The following PTGFR variants were observed in gnomAD, a reference collection of about 807,000 sequenced individuals.
PTGFR encodes prostaglandin F2-alpha receptor.
PTGFR carries 15 observed loss-of-function variants against 26.2 expected under a neutral mutation model. That is an observed-to-expected ratio of 0.57 (90% CI 0.38 to 0.88). The LOEUF (loss-of-function observed/expected upper bound fraction) is 0.88, where lower values mean the gene tolerates loss of function less well. Ranked by LOEUF, PTGFR falls within the 40% of genes least tolerant of loss-of-function variation. The probability of loss-of-function intolerance (pLI) is 0.00; values close to 1 mark genes in which losing one functional copy is unlikely to be tolerated. For missense variants in PTGFR, 369 were observed against 427.2 expected (o/e 0.86, Z 1.20); for synonymous variants, 165 against 151.1 (o/e 1.09, Z -0.68).
chr1:78,513,949 C>T (rs1238060659), intron 2 of PTGFR, among the ~76,000 whole-genome samples: 1 of 152,218 alleles, frequency 6.6e-6, no homozygotes, highest in East Asian at 1.9e-4. Flanking sequence ...ACACAGAATG[C>T]AAAAGTGAAG....
chr1:78,525,128 C>T (rs1650341600), intron 2 of PTGFR, among the ~76,000 whole-genome samples: 1 of 151,862 alleles, frequency 6.6e-6, no homozygotes, highest in African/African-American at 2.4e-5. Flanking sequence ...TACTTAACCT[C>T]TGTCATACTG....
At position 78,521,971 on chromosome 1, in the gene PTGFR, TGCA is replaced by T. The variant is rs147388439; in HGVS notation, c.799-14434_799-14432del. 1.5e-3 allele frequency among the ~76,000 whole-genome samples: 225 copies of T among 152,204 alleles called. 1 individual carries two copies. The East Asian group carries it at 0.035, about 24-fold the overall frequency. Reference sequence around the variant, plus strand: ...CAGTTCTGTAGGTCAGAAATCTGGGTGCATTCAACTGAGTTCTCTGCTCAGGGT... The same window carrying T: ...CAGTTCTGTAGGTCAGAAATCTGGGTTTCAACTGAGTTCTCTGCTCAGGGT... On this transcript the variant is annotated intron_variant, in intron 2 of 2. Transcript: ENST00000370757.
chr1:78,499,136 A>G (rs2146489), intron 2 of PTGFR, among the ~76,000 whole-genome samples: 115,595 of 152,068 alleles, frequency 0.76, 44,475 homozygotes, highest in African/African-American at 0.89. Flanking sequence ...CAGGGAGCAC[A>G]TTCCTGTCCC....
rs376311391 is a variant in PTGFR at position 78,515,516 on chromosome 1, G to A, written c.799-20890G>A. On this transcript the variant is annotated intron_variant, in intron 2 of 2. Coordinates refer to ENST00000370757, the MANE Select transcript of PTGFR (RefSeq NM_000959.4). ...AGTGTAGTCAAATGTATATGTGGCT[G>A]GTGGCTAAAAATCATCTCTCTAAAA... 9.2e-5 allele frequency among the ~76,000 whole-genome samples: 14 copies of A among 152,242 alleles called. 2 individuals carry two copies. The highest frequency in any genetic ancestry group is 3.4e-4 in the African/African-American group (14 of 41,540).
At chr1:78,500,358 A>ACC (rs755780742) in intron 2 of PTGFR, among the ~76,000 whole-genome samples, 6 of 152,112 alleles carry the variant, frequency 3.9e-5, no homozygotes, top group Non-Finnish European at 8.8e-5. Context: ...ACACTGTGGT[A>ACC]CTCCTCCCAG....
At chr1:78,535,152 G>T (rs1468374728) in intron 2 of PTGFR, among the ~76,000 whole-genome samples, 2 of 152,166 alleles carry the variant, frequency 1.3e-5, no homozygotes, top group Non-Finnish European at 2.9e-5. Flanking sequence ...TTGTAGAGGA[G>T]AGAGGAGAAT....
chr1:78,494,425 G>A (rs181841213), intron 2 of PTGFR, among the ~76,000 whole-genome samples: 1 of 152,054 alleles, frequency 6.6e-6, no homozygotes, highest in East Asian at 1.9e-4. Flanking sequence ...TTTTTCCCTC[G>A]TCTGTAACAA....
intron 2 of PTGFR, among the ~76,000 whole-genome samples, chr1:78,499,847 G>T (rs1202867756): frequency 1.3e-5 from 2 of 152,064 alleles, no homozygotes; most frequent in East Asian, 3.8e-4. Flanking sequence ...AATGGTGCTT[G>T]GTGGCTTTAC....
At chr1:78,517,973 A>G (rs1650132179) in intron 2 of PTGFR, among the ~76,000 whole-genome samples, 1 of 152,188 alleles carries the variant, frequency 6.6e-6, no homozygotes, top group African/African-American at 2.4e-5. Context: ...CAAATAATAA[A>G]TTACTATTAT....
Position 78,493,097 on chromosome 1 carries a change from T to C in PTGFR, c.354T>C (p.Ser118=). ...CSIFGICMVF[S]GLCPLLLGSV... is the part of the protein sequence containing the mutation. ...TTTTTGGTATCTGCATGGTGTTTTC[T>C]GGTCTGTGCCCACTTCTTCTAGGCA... The change falls in exon 2 of 3, where the codon TCT becomes TCC. Residue 118 remains serine (S), a synonymous_variant. Transcript: ENST00000370757. 2.5e-6 allele frequency: 4 copies of C among 1,614,242 alleles called. No homozygotes were observed. Among genetic ancestry groups the C allele is most frequent in the Non-Finnish European group, 3.4e-6 (4 of 1,180,038 alleles).
At chr1:78,528,016 T>C (rs1388211444) in intron 2 of PTGFR, among the ~76,000 whole-genome samples, 1 of 151,912 alleles carries the variant, frequency 6.6e-6, no homozygotes, top group African/African-American at 2.4e-5. Context: ...TTATGTGGGG[T>C]ATAACCATTG....
intron 2 of PTGFR, among the ~76,000 whole-genome samples, chr1:78,535,950 G>A (rs12743477): frequency 0.14 from 21,943 of 152,096 alleles, 1,720 homozygotes; most frequent in Non-Finnish European, 0.18. Context: ...GAAAATCTCA[G>A]AGTAAAATTT....
In PTGFR at chr1:78,538,194, T is replaced by G. The variant is rs1046966467; in HGVS notation, c.*1507T>G. On this transcript the variant is annotated 3_prime_UTR_variant, in exon 3 of 3. Coordinates refer to ENST00000370757, the MANE Select transcript of PTGFR (RefSeq NM_000959.4). ...CAGAGATATAAGGAACCATTCTCCA[T>G]CCTTCCTTATCATGCTGGGTACAAT... The G allele has an allele frequency of 6.6e-6, 1 of 152,112 alleles. No homozygotes were observed. The allele number at this position is 152,112 out of a possible 1,614,324, so 9.4% of individuals were successfully genotyped here.
chr1:78,518,953 A>G (rs779236804), intron 2 of PTGFR, among the ~76,000 whole-genome samples: 1 of 152,020 alleles, frequency 6.6e-6, no homozygotes, highest in South Asian at 2.1e-4. Flanking sequence ...GTGCTTAACT[A>G]CTCTTCAGCT....
At chr1:78,534,870 T>C (rs1053969786) in intron 2 of PTGFR, among the ~76,000 whole-genome samples, 1 of 152,196 alleles carries the variant, frequency 6.6e-6, no homozygotes, top group Non-Finnish European at 1.5e-5. Flanking sequence ...ATATTATGAA[T>C]GTATTTGTTA....
intron 2 of PTGFR, chr1:78,532,364 T>TTA (rs200848855): frequency 0.38 from 32,007 of 84,598 alleles, 8,176 homozygotes; most frequent in Non-Finnish European, 0.49. Context: ...GTAAATTCAT[T>TTA]TATATATATA....
At chr1:78,520,124 G>A (rs1206503104) in intron 2 of PTGFR, among the ~76,000 whole-genome samples, 1 of 151,940 alleles carries the variant, frequency 6.6e-6, no homozygotes, top group Non-Finnish European at 1.5e-5. Context: ...ATTACCTTTT[G>A]GGATTTTGGG....
At chr1:78,500,793 G>A (rs988491413) in intron 2 of PTGFR, among the ~76,000 whole-genome samples, 2 of 152,210 alleles carry the variant, frequency 1.3e-5, no homozygotes, top group East Asian at 1.9e-4. Flanking sequence ...TATGAGCTAT[G>A]TGTAGGCTAT....
At chr1:78,502,812 A>C (rs1450854260) in intron 2 of PTGFR, among the ~76,000 whole-genome samples, 1 of 152,150 alleles carries the variant, frequency 6.6e-6, no homozygotes, top group Non-Finnish European at 1.5e-5. Context: ...CTGTAATTTA[A>C]CTGTTCATAA....
Sources: gnomAD v4.1 joint callset for allele counts (sites outside exome capture counted in the v4.1 genomes callset) on GRCh38, gnomAD v4.1.1 for gene constraint, MANE v1.5 for transcripts, NCBI Gene and HGNC (gene_info 2026-07-23, HGNC 2026-07-21) for gene names.